JAKMIP1: variants seen among roughly 807,000 people sequenced by gnomAD.
JAKMIP1 encodes janus kinase and microtubule-interacting protein 1.
Under a neutral mutation model 113.0 loss-of-function variants are expected in JAKMIP1, and 33 were observed. The ratio of observed to expected loss-of-function variants is 0.29; its 90% CI spans 0.22 to 0.39. The LOEUF is 0.39. Ranked by LOEUF, JAKMIP1 falls within the 10% of genes least tolerant of loss-of-function variation. The pLI is 1.00. For synonymous variants in JAKMIP1, 480 were observed against 459.9 expected, an observed-to-expected ratio of 1.04 and a Z score of -0.56; for missense variants, 813 against 1,080.5, an observed-to-expected ratio of 0.75 and a Z score of 3.47.
chr4:6,125,285 C>G (rs1717249270), intron 1 of JAKMIP1, among the ~76,000 whole-genome samples: 1 of 152,110 alleles, frequency 6.6e-6, no homozygotes, highest in East Asian at 1.9e-4. Flanking sequence ...CCCACCCGGG[C>G]TGGCTGACCC....
chr4:6,070,343 T>G, intron 8 of JAKMIP1: 1 of 383,808 alleles, frequency 2.6e-6, no homozygotes, highest in Non-Finnish European at 4.6e-6. Context: ...TGTGGACCCG[T>G]CTGCTGCAGA....
Position 6,183,750 on chromosome 4 carries a change from T to A in JAKMIP1, c.-148+16503A>T, listed in dbSNP as rs746757523. On this transcript the variant is annotated intron_variant, in intron 1 of 20. Transcript: ENST00000409021. The surrounding 1 kb of genome is among the most constrained non-coding windows in gnomAD (Gnocchi z 5.3). ...CAATATTAACCCTGGTAGACCCCAC[T>A]GCAGGGACCTGGGCTGCCAGGTGAA... Among the ~76,000 whole-genome samples the A allele has an allele frequency of 6.6e-6, 1 of 152,178 alleles. No homozygotes were observed. Among genetic ancestry groups the A allele is most frequent in the Non-Finnish European group, 1.5e-5 (1 of 68,036 alleles).
intron 1 of JAKMIP1, among the ~76,000 whole-genome samples, chr4:6,190,113 G>C (rs1727086060): frequency 6.6e-6 from 1 of 152,152 alleles, no homozygotes; most frequent in South Asian, 2.1e-4. Context: ...GGCCCAAGAA[G>C]GATGGAGAAG....
In JAKMIP1 at chr4:6,096,493, A is replaced by G. The variant is rs138479365; in HGVS notation, c.624+8980T>C. ...CTAAAGGCCTGCATGCCATCTGTGC[A>G]TCAAATACTCTGTTGAGGAAACTGG... On this transcript the variant is annotated intron_variant, in intron 3 of 20. Coordinates refer to ENST00000409021, the MANE Select transcript of JAKMIP1 (RefSeq NM_001099433.2). Among the ~76,000 whole-genome samples, 274 of 152,342 alleles carry G rather than the reference A, an allele frequency of 1.8e-3. 3 individuals are homozygous for G. Among genetic ancestry groups the G allele is most frequent in the African/African-American group, 6.2e-3 (257 of 41,572 alleles).
rs1719885311 is a variant in JAKMIP1, at chr4:6,140,045, T to C, written c.-147-27048A>G. Among the ~76,000 whole-genome samples the C allele has an allele frequency of 6.6e-6, 1 of 152,078 alleles. No homozygotes were observed. The highest frequency in any genetic ancestry group is 1.5e-5 in the Non-Finnish European group (1 of 68,030). ...AGAGACCATCCGTTTGTCTTGTGTA[T>C]TCCATGGTACAGCGGCCCTAGGAAA... On this transcript the variant is annotated intron_variant, in intron 1 of 20. Coordinates refer to ENST00000409021, the MANE Select transcript of JAKMIP1 (RefSeq NM_001099433.2). This position sits in a 1 kb window ranked among gnomAD's most constrained non-coding sequence, Gnocchi z 9.4.
chr4:6,171,862 C>T (rs1724771090), intron 1 of JAKMIP1, among the ~76,000 whole-genome samples: 1 of 152,202 alleles, frequency 6.6e-6, no homozygotes, highest in Non-Finnish European at 1.5e-5. Flanking sequence ...GTTTATGCCT[C>T]CATTAAGTGG....
chr4:6,159,078 G>A (rs995218833), intron 1 of JAKMIP1, among the ~76,000 whole-genome samples: 10 of 123,290 alleles, frequency 8.1e-5, no homozygotes, highest in African/African-American at 3.1e-4. Flanking sequence ...GACAGAGCAA[G>A]ATCCTGTCTC....
rs543821111 is a variant in JAKMIP1, at chr4:6,028,167, C to T, written c.2445+1549G>A. On this transcript the variant is annotated intron_variant, in intron 20 of 20. Coordinates refer to ENST00000409021, the MANE Select transcript of JAKMIP1 (RefSeq NM_001099433.2). ...GGGCAAGGCCAGAGGAGAGCCCAGG[C>T]TCATCTATCTGCGAAACCAGCTCAT... 2.7e-3 allele frequency among the ~76,000 whole-genome samples: 415 copies of T among 152,364 alleles called. 2 individuals are homozygous for T. Among genetic ancestry groups the T allele is most frequent in the Non-Finnish European group, 4.6e-3 (310 of 68,036 alleles).
rs1184677993 is a variant in JAKMIP1 at position 6,061,382 on chromosome 4, T to A, written c.1561-875A>T. 6.6e-6 allele frequency among the ~76,000 whole-genome samples: 1 copy of A among 152,166 alleles called. No individual in the cohort carries two copies. The highest frequency in any genetic ancestry group is 2.1e-4 in the South Asian group (1 of 4,822). On this transcript the variant is annotated intron_variant, in intron 10 of 20. Transcript: ENST00000409021. This position sits in a 1 kb window ranked among gnomAD's most constrained non-coding sequence, Gnocchi z 5.3. ...TCCTGGCTCCCCGCTACAGGGCCAC[T>A]GCTGCCCCTGGAACAAACTCCACGT...
intron 3 of JAKMIP1, among the ~76,000 whole-genome samples, chr4:6,098,538 G>C (rs1490466179): frequency 2.2e-5 from 1 of 46,478 alleles, no homozygotes; most frequent in Non-Finnish European, 4.8e-5. Context: ...GAGAGAGAGA[G>C]AGAAAGAAAA....
chr4:6,029,307 C>A (rs554025783), intron 20 of JAKMIP1, among the ~76,000 whole-genome samples: 2 of 152,190 alleles, frequency 1.3e-5, no homozygotes, highest in African/African-American at 2.4e-5. Context: ...CAGGAACATG[C>A]GACTGGTCTG....
intron 8 of JAKMIP1, among the ~76,000 whole-genome samples, chr4:6,074,499 TG>T (rs1719427885): frequency 6.6e-6 from 1 of 152,164 alleles, no homozygotes; most frequent in African/African-American, 2.4e-5. Context: ...CAGAGAGTGA[TG>T]GGGGCATTTC....
chr4:6,094,636 T>C lies in JAKMIP1; in HGVS notation c.625-9007A>G, dbSNP rs1166063365. 6.6e-6 allele frequency among the ~76,000 whole-genome samples: 1 copy of C among 152,210 alleles called. No individual in the cohort carries two copies. Among genetic ancestry groups the C allele is most frequent in the Non-Finnish European group, 1.5e-5 (1 of 68,034 alleles). On this transcript the variant is annotated intron_variant, in intron 3 of 20. Transcript: ENST00000409021. This position sits in a 1 kb window ranked among gnomAD's most constrained non-coding sequence, Gnocchi z 4.2. Reference sequence around the variant, plus strand: ...ACCTTGTCAAACTAGTTCCCAACAGTGGCACTCTTTCAAAAATAAAGTTTT... The same window carrying C: ...ACCTTGTCAAACTAGTTCCCAACAGCGGCACTCTTTCAAAAATAAAGTTTT...
chr4:6,029,291 G>A (rs1043668960), intron 20 of JAKMIP1, among the ~76,000 whole-genome samples: 12 of 152,244 alleles, frequency 7.9e-5, no homozygotes, highest in African/African-American at 1.9e-4. Flanking sequence ...GAGAGGCTGC[G>A]TCTTCCAGGA....
At chr4:6,115,010 C>T (rs1453586254) in intron 1 of JAKMIP1, among the ~76,000 whole-genome samples, 2 of 152,234 alleles carry the variant, frequency 1.3e-5, no homozygotes, top group African/African-American at 4.8e-5. Context: ...ATCCCAACAA[C>T]ACAAGGCTCA....
intron 1 of JAKMIP1, among the ~76,000 whole-genome samples, chr4:6,182,040 A>G (rs1337166278): frequency 1.3e-5 from 2 of 152,052 alleles, no homozygotes; most frequent in East Asian, 3.9e-4. Context: ...TGTCCCCCCA[A>G]ATTGATACAT....
intron 1 of JAKMIP1, among the ~76,000 whole-genome samples, chr4:6,164,773 AG>A (rs1723410588): frequency 6.6e-6 from 1 of 152,222 alleles, no homozygotes; most frequent in African/African-American, 2.4e-5. Flanking sequence ...TAATCGCATA[AG>A]TGGTGAGAAA....
At position 6,064,766 on chromosome 4, in the gene JAKMIP1, A is replaced by G. The variant is rs1717813085; in HGVS notation, c.1431+114T>C. 3.7e-6 allele frequency: 5 copies of G among 1,368,822 alleles called. No individual in the cohort carries two copies. In the African/African-American group the frequency reaches 5.8e-5, roughly 16 times the overall value. 84.8% of individuals were successfully genotyped at this position (1,368,822 alleles called of 1,614,324 possible). On this transcript the variant is annotated intron_variant, in intron 9 of 20. Transcript: ENST00000409021. This position sits in a 1 kb window ranked among gnomAD's most constrained non-coding sequence, Gnocchi z 4.3. Reference sequence around the variant, plus strand: ...GATAATGCACTGGTAGGAACTGGTCATCTGGGGTTCAGAACTATAGGCAAG... The same window carrying G: ...GATAATGCACTGGTAGGAACTGGTCGTCTGGGGTTCAGAACTATAGGCAAG...
chr4:6,171,278 A>T lies in JAKMIP1; in HGVS notation c.-148+28975T>A, dbSNP rs1212359096. Reference sequence around the variant, plus strand: ...ATCACACCTACCACTGTCCTCATCAATGTCATCACCACCACCATTAACATC... The same window carrying T: ...ATCACACCTACCACTGTCCTCATCATTGTCATCACCACCACCATTAACATC... On this transcript the variant is annotated intron_variant, in intron 1 of 20. Coordinates refer to ENST00000409021, the MANE Select transcript of JAKMIP1 (RefSeq NM_001099433.2). 2.7e-5 allele frequency among the ~76,000 whole-genome samples: 4 copies of T among 146,202 alleles called. No homozygotes were observed. The East Asian group carries it at 6.0e-4, about 22-fold the overall frequency.
Sources: gnomAD v4.1 joint callset for allele counts (sites outside exome capture counted in the v4.1 genomes callset) on GRCh38, gnomAD v4.1.1 for gene constraint, Gnocchi (gnomAD v3.1) non-coding constraint, MANE v1.5 for transcripts, NCBI Gene and HGNC (gene_info 2026-07-23, HGNC 2026-07-21) for gene names.